The following HTR7 variants were observed in gnomAD, a reference collection of about 807,000 sequenced individuals.
The protein encoded by HTR7 is 5-hydroxytryptamine receptor 7, also known as 5-HT-7.
HTR7 carries 16 observed loss-of-function variants against 34.0 expected under a neutral mutation model. That is an observed-to-expected ratio of 0.47 (90% confidence interval 0.32 to 0.71). HTR7 has a LOEUF of 0.71. HTR7 is among the 30% of genes least tolerant of loss of function. The pLI, the probability that HTR7 is intolerant of heterozygous loss-of-function variation, is 0.04. For missense variants in HTR7, 504 were observed against 625.5 expected (o/e 0.81, Z 2.07); for synonymous variants, 265 against 260.2 (o/e 1.02, Z -0.18).
rs986956585 is a variant in HTR7, at chr10:90,749,882, GT to G, written c.540-289del. On this transcript the variant is annotated intron_variant, in intron 1 of 3. Coordinates refer to ENST00000336152, the MANE Select transcript of HTR7 (RefSeq NM_019859.4). This position sits in a 1 kb window ranked among gnomAD's most constrained non-coding sequence, Gnocchi z 4.2. Reference sequence around the variant, plus strand: ...TTTCACAATCCACGAAGTCAACAAAGTTTAAAAAGCTCTCCGTCCCCATGAC... The same window carrying G: ...TTTCACAATCCACGAAGTCAACAAAGTTAAAAAGCTCTCCGTCCCCATGAC... Among the ~76,000 whole-genome samples, 35 of 152,152 alleles carry G rather than the reference GT, an allele frequency of 2.3e-4. No homozygotes were observed. The highest frequency in any genetic ancestry group is 7.7e-4 in the African/African-American group (32 of 41,442).
chr10:90,807,238 T>C (rs898786965), intron 1 of HTR7, among the ~76,000 whole-genome samples: 1 of 152,148 alleles, frequency 6.6e-6, no homozygotes, highest in Admixed American at 6.5e-5. Context: ...GAACAGCTGA[T>C]ATAGAAGTTA....
At chr10:90,774,160 G>T (rs568733048) in intron 1 of HTR7, among the ~76,000 whole-genome samples, 5 of 152,060 alleles carry the variant, frequency 3.3e-5, no homozygotes, top group Non-Finnish European at 5.9e-5. Context: ...TGATCCAGGA[G>T]CTCAAATGAT....
intron 1 of HTR7, among the ~76,000 whole-genome samples, chr10:90,813,196 G>T (rs1432361207): frequency 6.6e-6 from 1 of 152,196 alleles, no homozygotes; most frequent in Non-Finnish European, 1.5e-5. Flanking sequence ...GCACCCAGGT[G>T]ATTAAAAGCT....
intron 1 of HTR7, among the ~76,000 whole-genome samples, chr10:90,848,015 G>A (rs901633936): frequency 1.3e-4 from 19 of 149,878 alleles, no homozygotes; most frequent in South Asian, 4.2e-4. Context: ...GAAGCATGCC[G>A]CTCTGATCTC....
intron 1 of HTR7, among the ~76,000 whole-genome samples, chr10:90,820,711 C>T (rs972334037): frequency 2.0e-5 from 3 of 152,098 alleles, no homozygotes; most frequent in Non-Finnish European, 4.4e-5. Context: ...ACAGATGTTC[C>T]TTGGCTTATG....
chr10:90,785,874 C>T (rs191230467), intron 1 of HTR7, among the ~76,000 whole-genome samples: 7 of 152,300 alleles, frequency 4.6e-5, no homozygotes, highest in East Asian at 1.9e-4. Context: ...GGCCTTGACG[C>T]CCCTTCTTGG....
chr10:90,769,978 G>A (rs112006811), intron 1 of HTR7, among the ~76,000 whole-genome samples: 147 of 152,352 alleles, frequency 9.6e-4, no homozygotes, highest in African/African-American at 3.3e-3. Context: ...AGCAGGAGCC[G>A]CTGCGGGAGC....
At chr10:90,776,414 T>A (rs953839826) in intron 1 of HTR7, among the ~76,000 whole-genome samples, 4 of 152,226 alleles carry the variant, frequency 2.6e-5, no homozygotes, top group African/African-American at 9.6e-5. Context: ...CCAACTCTAA[T>A]TCACAGATAT....
intron 1 of HTR7, among the ~76,000 whole-genome samples, chr10:90,831,429 G>C (rs889956002): frequency 2.0e-5 from 3 of 152,008 alleles, no homozygotes; most frequent in African/African-American, 4.8e-5. Flanking sequence ...TCGTGGTCTC[G>C]GTGACTTCAG....
intron 1 of HTR7, among the ~76,000 whole-genome samples, chr10:90,751,025 T>C (rs2119682911): frequency 6.6e-6 from 1 of 152,208 alleles, no homozygotes; most frequent in East Asian, 1.9e-4. Context: ...CCTGAGGCCA[T>C]GGTAATGTTG....
At chr10:90,830,897 C>CACTA (rs1198362571) in intron 1 of HTR7, among the ~76,000 whole-genome samples, 1 of 152,092 alleles carries the variant, frequency 6.6e-6, no homozygotes, top group Non-Finnish European at 1.5e-5. Context: ...TTGTGCCACT[C>CACTA]ACTAGTCTTT....
chr10:90,795,546 T>C (rs781060359), intron 1 of HTR7, among the ~76,000 whole-genome samples: 8 of 152,180 alleles, frequency 5.3e-5, no homozygotes, highest in East Asian at 1.9e-4. Context: ...GATGGCAAGA[T>C]AGGAGTCTAC....
intron 1 of HTR7, among the ~76,000 whole-genome samples, chr10:90,839,640 C>T (rs1216929952): frequency 6.6e-6 from 1 of 151,886 alleles, no homozygotes; most frequent in Non-Finnish European, 1.5e-5. Context: ...GAGATAGTCC[C>T]CAATCCCAGA....
chr10:90,794,502 A>T (rs576629655), intron 1 of HTR7, among the ~76,000 whole-genome samples: 107 of 152,232 alleles, frequency 7.0e-4, no homozygotes, highest in Middle Eastern at 3.4e-3. Flanking sequence ...CTGCTTTTTT[A>T]AATTTTTTTG....
intron 1 of HTR7, among the ~76,000 whole-genome samples, chr10:90,813,275 A>G (rs930695431): frequency 3.3e-5 from 5 of 152,200 alleles, no homozygotes; most frequent in African/African-American, 1.2e-4. Context: ...TAATACCAGC[A>G]CTTTGGGAGG....
At chr10:90,759,928 T>C (rs1209876426) in intron 1 of HTR7, among the ~76,000 whole-genome samples, 8 of 152,212 alleles carry the variant, frequency 5.3e-5, no homozygotes. Flanking sequence ...ATATAGTTTA[T>C]ACAAATCCAA....
At chr10:90,805,133 A>G (rs1589457606) in intron 1 of HTR7, among the ~76,000 whole-genome samples, 1 of 152,136 alleles carries the variant, frequency 6.6e-6, no homozygotes, top group African/African-American at 2.4e-5. Flanking sequence ...CTGGCTGGTG[A>G]GTTGGGCAAT....
At chr10:90,794,660 C>T (rs1237216593) in intron 1 of HTR7, among the ~76,000 whole-genome samples, 4 of 151,990 alleles carry the variant, frequency 2.6e-5, no homozygotes, top group Admixed American at 6.6e-5. Context: ...ACCACCACAC[C>T]TGGCTATTTT....
chr10:90,748,133 T>C (rs922558666), intron 2 of HTR7, among the ~76,000 whole-genome samples: 1 of 152,210 alleles, frequency 6.6e-6, no homozygotes, highest in African/African-American at 2.4e-5. Context: ...TAAAAGCTCC[T>C]GTGGCTCTTT....
Sources: allele counts gnomAD v4.1 joint callset (sites outside exome capture counted in the v4.1 genomes callset), GRCh38; gene constraint gnomAD v4.1.1; non-coding constraint Gnocchi (gnomAD v3.1); transcripts MANE v1.5; gene names NCBI Gene and HGNC (gene_info 2026-07-23, HGNC 2026-07-21).